The following NMNAT2 variants were observed in gnomAD, a reference collection of about 807,000 sequenced individuals.
The protein encoded by NMNAT2 is nicotinamide nucleotide adenylyltransferase 2.
A neutral mutation model predicts 41.6 loss-of-function variants in NMNAT2; 11 were observed. The observed-to-expected ratio is 0.26, with a 90% CI of 0.17 to 0.44. The LOEUF (loss-of-function observed/expected upper bound fraction) is 0.44. Among genes scored for constraint, NMNAT2 ranks in the 20% least tolerant of loss-of-function variants. The pLI, the probability that NMNAT2 is intolerant of heterozygous loss-of-function variation, is 1.00. For synonymous variants in NMNAT2, 148 were observed against 151.2 expected (o/e 0.98, Z 0.16); for missense variants, 288 against 407.7 (o/e 0.71, Z 2.53).
chr1:183,339,015 A>C (rs77895465), intron 1 of NMNAT2, among the ~76,000 whole-genome samples: 11,240 of 152,076 alleles, frequency 0.074, 1,340 homozygotes, highest in African/African-American at 0.25. Context: ...CTGCCAGGCG[A>C]CCCTGCCCAA....
intron 1 of NMNAT2, among the ~76,000 whole-genome samples, chr1:183,374,414 T>C (rs145683459): frequency 6.6e-6 from 1 of 152,266 alleles, no homozygotes; most frequent in African/African-American, 2.4e-5. Context: ...TCCCCACTTA[T>C]GGGGGATCAT....
At chr1:183,337,568 G>GGAAA in intron 1 of NMNAT2, among the ~76,000 whole-genome samples, 1 of 27,796 alleles carries the variant, frequency 3.6e-5, no homozygotes, top group South Asian at 1.2e-3. Flanking sequence ...CCTCTCCACA[G>GGAAA]CAAAAAAAAA....
intron 1 of NMNAT2, among the ~76,000 whole-genome samples, chr1:183,306,126 G>T (rs747688434): frequency 2.6e-5 from 4 of 151,918 alleles, no homozygotes; most frequent in Non-Finnish European, 4.4e-5. Flanking sequence ...GTCCAGGTTT[G>T]CAGGGGACTT....
chr1:183,281,136 G>C (rs190931057), intron 7 of NMNAT2, among the ~76,000 whole-genome samples: 233 of 152,250 alleles, frequency 1.5e-3, no homozygotes, highest in Non-Finnish European at 2.0e-3. Flanking sequence ...CTCTTCCAAT[G>C]TTGCCCAGGG....
intron 8 of NMNAT2, among the ~76,000 whole-genome samples, chr1:183,262,772 G>C (rs1195010549): frequency 6.6e-6 from 1 of 152,154 alleles, no homozygotes; most frequent in Non-Finnish European, 1.5e-5. Flanking sequence ...TGAAAGTTAC[G>C]GCATTTAATA....
intron 1 of NMNAT2, among the ~76,000 whole-genome samples, chr1:183,397,886 G>T (rs1342614331): frequency 6.6e-6 from 1 of 152,148 alleles, no homozygotes; most frequent in Non-Finnish European, 1.5e-5. Context: ...CACCAGGCCT[G>T]CCCTAAAAGA....
chr1:183,318,118 C>T (rs893794412), intron 1 of NMNAT2, among the ~76,000 whole-genome samples: 3 of 152,212 alleles, frequency 2.0e-5, no homozygotes, highest in Non-Finnish European at 4.4e-5. Flanking sequence ...CTGAGTTCCA[C>T]TGACACAGTG....
At position 183,389,841 on chromosome 1, in the gene NMNAT2, A is replaced by AAAGG. The variant is rs1557897802; in HGVS notation, c.85+28338_85+28341dup. 7.6e-3 allele frequency among the ~76,000 whole-genome samples: 532 copies of AAAGG among 70,372 alleles called. 51 individuals carry two copies. Among genetic ancestry groups the AAAGG allele is most frequent in the African/African-American group, 0.022 (462 of 20,724 alleles). The allele number at this position is 70,372 out of a possible 152,430, so 46.2% of individuals were successfully genotyped here. On this transcript the variant is annotated intron_variant, in intron 1 of 10. Transcript: ENST00000287713. ...GAAAGAAAGAAAGAAAGAAAGAAAG[A>AAAGG]AAGGAAAAAAGAGAAAGAAAGAAAG...
At chr1:183,264,933 G>C (rs771776364) in intron 8 of NMNAT2, among the ~76,000 whole-genome samples, 2 of 152,062 alleles carry the variant, frequency 1.3e-5, no homozygotes, top group Non-Finnish European at 2.9e-5. Context: ...TGAGCCACTG[G>C]ATTCCCCCAA....
chr1:183,408,415 T>C (rs974618064), intron 1 of NMNAT2, among the ~76,000 whole-genome samples: 4 of 152,042 alleles, frequency 2.6e-5, no homozygotes, highest in African/African-American at 7.2e-5. Flanking sequence ...TTATTTTACA[T>C]TTTTTTTCAA....
intron 1 of NMNAT2, among the ~76,000 whole-genome samples, chr1:183,382,416 C>G (rs919334093): frequency 6.6e-6 from 1 of 152,204 alleles, no homozygotes; most frequent in Admixed American, 6.5e-5. Flanking sequence ...AAGTCCTTCT[C>G]ACATTGCAAA....
chr1:183,344,755 A>C (rs1662889350), intron 1 of NMNAT2, among the ~76,000 whole-genome samples: 1 of 152,206 alleles, frequency 6.6e-6, no homozygotes, highest in Non-Finnish European at 1.5e-5. Flanking sequence ...AGGCCCCACG[A>C]AGTACGAGGC....
At chr1:183,288,458 C>T (rs1178263058) in intron 4 of NMNAT2, among the ~76,000 whole-genome samples, 2 of 152,346 alleles carry the variant, frequency 1.3e-5, no homozygotes, top group East Asian at 3.9e-4. Context: ...TCTTTGCCAG[C>T]TTCTGCCCAT....
At chr1:183,370,996 C>A (rs955245414) in intron 1 of NMNAT2, among the ~76,000 whole-genome samples, 4 of 152,062 alleles carry the variant, frequency 2.6e-5, no homozygotes, top group Non-Finnish European at 5.9e-5. Flanking sequence ...CACGGTGCGC[C>A]GCATGTTTTT....
rs114945791 is a variant in NMNAT2 at position 183,318,470 on chromosome 1, G to T, written c.86-24677C>A. Among the ~76,000 whole-genome samples, 441 of 152,276 alleles carry T rather than the reference G, an allele frequency of 2.9e-3. 5 individuals are homozygous for T. The highest frequency in any genetic ancestry group is 9.9e-3 in the African/African-American group (410 of 41,564). ...GGCAGCTCTGCAAGATTTTTTCCTG[G>T]CCAGTTTTGGATTTCCAAAACCAGA... On this transcript the variant is annotated intron_variant, in intron 1 of 10. Transcript: ENST00000287713.
intron 10 of NMNAT2, among the ~76,000 whole-genome samples, chr1:183,255,851 A>G (rs540166986): frequency 1.7e-3 from 258 of 152,028 alleles, no homozygotes; most frequent in Middle Eastern, 0.01. Flanking sequence ...TCTGTTAGAG[A>G]CAGGGTTTCA....
At chr1:183,337,049 C>T (rs1445288732) in intron 1 of NMNAT2, among the ~76,000 whole-genome samples, 2 of 152,182 alleles carry the variant, frequency 1.3e-5, no homozygotes, top group Admixed American at 6.5e-5. Context: ...ATAAGGACTG[C>T]CTGGAAGGGA....
chr1:183,379,998 G>T (rs1337267958), intron 1 of NMNAT2, among the ~76,000 whole-genome samples: 2 of 152,148 alleles, frequency 1.3e-5, no homozygotes, highest in Admixed American at 6.5e-5. Flanking sequence ...TCGATGTTCT[G>T]CCAGCAACTT....
chr1:183,350,017 C>T (rs1405157727), intron 1 of NMNAT2, among the ~76,000 whole-genome samples: 3 of 152,190 alleles, frequency 2.0e-5, no homozygotes, highest in Non-Finnish European at 4.4e-5. Flanking sequence ...TGCTGTGTAA[C>T]CTTGCCCTAC....
Sources: gnomAD v4.1 joint callset for allele counts (sites outside exome capture counted in the v4.1 genomes callset) on GRCh38, gnomAD v4.1.1 for gene constraint, MANE v1.5 for transcripts, NCBI Gene and HGNC (gene_info 2026-07-23, HGNC 2026-07-21) for gene names.